The following DNAJC9 variants were observed in gnomAD, a reference collection of about 807,000 sequenced individuals.
The protein encoded by DNAJC9 is DnaJ heat shock protein family (Hsp40) member C9.
Under a neutral mutation model 32.4 loss-of-function variants are expected in DNAJC9, and 18 were observed. The ratio of observed to expected loss-of-function variants is 0.56; its 90% CI spans 0.38 to 0.82. DNAJC9 has a LOEUF of 0.82. Ranked by LOEUF, DNAJC9 falls within the 40% of genes least tolerant of loss-of-function variation. The pLI is 0.00. For synonymous variants in DNAJC9, 113 were observed against 122.1 expected (o/e 0.93, Z 0.49); for missense variants, 310 against 321.8 (o/e 0.96, Z 0.28).
intron 2 of DNAJC9, 99 bp from the exon 3 acceptor site, chr10:73,246,275 A>G: frequency 1.5e-6 from 2 of 1,309,198 alleles, no homozygotes; most frequent in East Asian, 2.4e-5. Flanking sequence ...CTGCAATACA[A>G]CAGTTGCTTG....
Position 73,242,635 on chromosome 10 carries a change from G to A in DNAJC9, c.*765C>T, listed in dbSNP as rs1019514408. 6.6e-6 allele frequency: 1 copy of A among 152,184 alleles called. No individual in the cohort carries two copies. Among genetic ancestry groups the A allele is most frequent in the African/African-American group, 2.4e-5 (1 of 41,444 alleles). The allele number at this position is 152,184 out of a possible 1,614,324, so 9.4% of individuals were successfully genotyped here. ...TCAGTGGCCCAACTGAAGACATTCA[G>A]CAATTAATGGCAGGACTTCAGTAAT... On this transcript the variant is annotated 3_prime_UTR_variant, in exon 5 of 5. Transcript: ENST00000372950.
At chr10:73,240,388 A>G (rs1219610937), downstream of DNAJC9, among the ~76,000 whole-genome samples, 1 of 152,184 alleles carries the variant, frequency 6.6e-6, no homozygotes, top group Non-Finnish European at 1.5e-5. Flanking sequence ...TCAGATCTGC[A>G]TTTGAGCTAC....
At chr10:73,236,802 A>G (rs1763725472), downstream of DNAJC9, among the ~76,000 whole-genome samples, 1 of 148,390 alleles carries the variant, frequency 6.7e-6, no homozygotes, top group African/African-American at 2.5e-5. Context: ...TGCAGCCTCA[A>G]CCTCCTGGGC....
rs934573157 is a variant in DNAJC9 at position 73,242,454 on chromosome 10, A to G, written c.*946T>C. 2 of 152,208 alleles carry G rather than the reference A, an allele frequency of 1.3e-5. No homozygotes were observed. The highest frequency in any genetic ancestry group is 2.9e-5 in the Non-Finnish European group (2 of 68,036). The allele number at this position is 152,208 out of a possible 1,614,324, so 9.4% of individuals were successfully genotyped here. A position where few individuals can be genotyped will look rare whatever the true frequency, so the allele number is the denominator to read the frequency against. On this transcript the variant is annotated 3_prime_UTR_variant, in exon 5 of 5. Transcript: ENST00000372950. ...GGCCTGTAAGAAGTCATTTAGCCCA[A>G]TTCCCTCACCCTGTGTGTTTTCCCT... is the stretch of plus-strand genomic sequence containing the variant.
intron 3 of DNAJC9, 124 bp downstream of exon 3, chr10:73,245,798 C>T: frequency 8.1e-7 from 1 of 1,241,812 alleles, no homozygotes; most frequent in Non-Finnish European, 1.1e-6. Flanking sequence ...TAGATCGAAA[C>T]TATAGACCAA....
At chr10:73,246,981 G>C in intron 1 of DNAJC9, 29 bp downstream of exon 1, 1 of 1,547,930 alleles carries the variant, frequency 6.5e-7, no homozygotes, top group Non-Finnish European at 8.7e-7. Context: ...CCGCGCAGCC[G>C]GTCGGCTTCG....
downstream of DNAJC9, among the ~76,000 whole-genome samples, chr10:73,239,693 G>T (rs1392753644): frequency 6.7e-6 from 1 of 149,354 alleles, no homozygotes; most frequent in Admixed American, 6.7e-5. Context: ...ACCCAAATTA[G>T]TCCTTGTTGT....
chr10:73,232,839 C>T, intron 2 of DNAJC9: 1 of 705,204 alleles, frequency 1.4e-6, no homozygotes, highest in Non-Finnish European at 2.5e-6. Flanking sequence ...TTATTTCCCC[C>T]TAAATGTAGT....
downstream of DNAJC9, chr10:73,239,435 C>T (rs992865333): frequency 4.0e-5 from 55 of 1,386,206 alleles, no homozygotes; most frequent in Admixed American, 1.1e-3. Context: ...TGTGTTAAGA[C>T]CCAGCCTTTG....
downstream of DNAJC9, among the ~76,000 whole-genome samples, chr10:73,239,862 A>G (rs530483607): frequency 6.6e-6 from 1 of 152,336 alleles, no homozygotes; most frequent in East Asian, 1.9e-4. Flanking sequence ...ATTCTATCGC[A>G]TTAACTCTTT....
chr10:73,246,922 G>C (rs564052328), intron 1 of DNAJC9, 88 bp downstream of exon 1: 1 of 1,591,194 alleles, frequency 6.3e-7, no homozygotes, highest in Non-Finnish European at 8.6e-7. Flanking sequence ...GCGGAGCTCA[G>C]CGCGCTCCCC....
chr10:73,235,119 G>A (rs942567906), downstream of DNAJC9: 1 of 1,499,962 alleles, frequency 6.7e-7, no homozygotes, highest in South Asian at 1.2e-5. Context: ...ATCTGCCATG[G>A]TCGATAGGGT....
chr10:73,247,113 G>T lies in DNAJC9; in HGVS notation c.77C>A (p.Ala26Asp). The T allele has an allele frequency of 6.3e-7, 1 of 1,595,278 alleles. No homozygotes were observed. The highest frequency in any genetic ancestry group is 8.5e-7 in the Non-Finnish European group (1 of 1,171,862). ...GCCTCGTCGGACCTCGCCGTCGGAG[G>T]CCTCGCGTCGCACGCCCAGCACCCG... ...LYRVLGVRREASDGEVRRGYH... is the reference protein window; with the variant it reads ...LYRVLGVRREDSDGEVRRGYH... Residue 26 changes from alanine (A) to aspartate (D), a missense_variant, in exon 1 of 5, where the codon GCC becomes GAC. By Grantham distance (126) the Ala-to-Asp change is moderately radical. Transcript: ENST00000372950.
rs1185463233 is a variant in DNAJC9, at chr10:73,246,104, G to C, written c.394C>G (p.Gln132Glu). The part of the protein sequence containing the change: ...GSEEELADIK[Q>E]AYLDFKGDMD... ...TCACCCTTGAAGTCCAGATAGGCCT[G>C]CTTAATATCAGCCAGCTCTTCTTCC... Residue 132 changes from glutamine to glutamate, a missense_variant, in exon 3 of 5, where the codon CAG becomes GAG. Physicochemically the swap from Gln to Glu is conservative, Grantham distance 29. Coordinates refer to ENST00000372950, the MANE Select transcript of DNAJC9 (RefSeq NM_015190.5). 2 of 1,613,814 alleles carry C rather than the reference G, an allele frequency of 1.2e-6. No individual in the cohort carries two copies. Among genetic ancestry groups the C allele is most frequent in the Non-Finnish European group, 1.7e-6 (2 of 1,179,968 alleles).
chr10:73,243,366 T>C lies in DNAJC9; in HGVS notation c.*34A>G. ...GCACCTTGCCTACGATGGCATCAAT[T>C]TACACCTAAGGACCTTTGAAGAGAA... On this transcript the variant is annotated 3_prime_UTR_variant, in exon 5 of 5. Transcript: ENST00000372950. 6.2e-7 allele frequency: 1 copy of C among 1,610,452 alleles called. No individual in the cohort carries two copies. Among genetic ancestry groups the C allele is most frequent in the Non-Finnish European group, 8.5e-7 (1 of 1,179,390 alleles).
At chr10:73,234,120 A>C (rs1270593934), downstream of DNAJC9, 1 of 152,246 alleles carries the variant, frequency 6.6e-6, no homozygotes. Context: ...AAATATCCTC[A>C]AAGGTATGAG....
At chr10:73,239,597 A>G (rs182591045), downstream of DNAJC9, among the ~76,000 whole-genome samples, 1 of 151,844 alleles carries the variant, frequency 6.6e-6, no homozygotes, top group South Asian at 2.1e-4. Context: ...AAAGTTTCAG[A>G]TTCCTATTTT....
chr10:73,239,246 C>G, downstream of DNAJC9: 3 of 1,360,202 alleles, frequency 2.2e-6, no homozygotes, highest in East Asian at 2.5e-5. Flanking sequence ...TTCCTGTGAA[C>G]CTGCTAAAAT....
intron 3 of DNAJC9, among the ~76,000 whole-genome samples, chr10:73,245,438 A>G (rs1308109041): frequency 6.9e-6 from 1 of 144,340 alleles, no homozygotes; most frequent in African/African-American, 2.8e-5. Flanking sequence ...CCGCTAAGCT[A>G]AAGTTTTTCT....
Sources: allele counts gnomAD v4.1 joint callset (sites outside exome capture counted in the v4.1 genomes callset), GRCh38; gene constraint gnomAD v4.1.1; transcripts MANE v1.5; gene names NCBI Gene and HGNC (gene_info 2026-07-23, HGNC 2026-07-21).